OR11A1: variants seen among roughly 807,000 people sequenced by gnomAD.
The protein encoded by OR11A1 is olfactory receptor family 11 subfamily A member 1, also known as olfactory receptor 11A1.
For synonymous variants in OR11A1, 158 were observed against 152.2 expected (o/e 1.04, Z -0.28); for missense variants, 380 against 378.2 (o/e 1.00, Z -0.04).
intron 1 of OR11A1, among the ~76,000 whole-genome samples, chr6:29,452,349 A>T (rs1785511205): frequency 6.6e-6 from 1 of 152,186 alleles, no homozygotes; most frequent in South Asian, 2.1e-4. Context: ...GGGGAAAAAA[A>T]GGAGAAGAGA....
chr6:29,451,814 A>G (rs150894572), intron 1 of OR11A1, among the ~76,000 whole-genome samples: 4 of 152,366 alleles, frequency 2.6e-5, no homozygotes, highest in Admixed American at 2.0e-4. Context: ...CTGAACTGCC[A>G]TTTGACCCAG....
chr6:29,440,096 C>A lies in OR11A1; in HGVS notation c.-388-8109G>T, dbSNP rs146723934. On this transcript the variant is annotated intron_variant, in intron 1 of 4. Transcript: ENST00000377149. Reference sequence around the variant, plus strand: ...TGGCCGACCTCCAGGGCTTGCTCTTCTCTGTCTTTCTCACTATCTACCTGC... The same window carrying A: ...TGGCCGACCTCCAGGGCTTGCTCTTATCTGTCTTTCTCACTATCTACCTGC... The A allele has an allele frequency of 3.2e-5, 51 of 1,613,330 alleles. No homozygotes were observed. In the African/African-American group the frequency reaches 6.3e-4, roughly 20 times the overall value.
intron 1 of OR11A1, among the ~76,000 whole-genome samples, chr6:29,443,608 A>G (rs1784426884): frequency 6.6e-6 from 1 of 152,176 alleles, no homozygotes; most frequent in Non-Finnish European, 1.5e-5. Flanking sequence ...TGAAGGTTCT[A>G]TGAACATTTG....
intron 4 of OR11A1, chr6:29,428,424 A>G (rs1302628821): frequency 1.0e-6 from 1 of 985,274 alleles, no homozygotes; most frequent in Non-Finnish European, 1.2e-6. Context: ...CTTTCTGAAG[A>G]TAGAAGCAAG....
intron 1 of OR11A1, among the ~76,000 whole-genome samples, chr6:29,433,189 G>T (rs1013040072): frequency 1.3e-5 from 2 of 151,990 alleles, no homozygotes; most frequent in African/African-American, 4.8e-5. Flanking sequence ...ATGTTTTTGT[G>T]ATGAGAACAC....
intron 1 of OR11A1, among the ~76,000 whole-genome samples, chr6:29,451,557 T>C (rs1785384106): frequency 6.6e-6 from 1 of 152,110 alleles, no homozygotes; most frequent in African/African-American, 2.4e-5. Context: ...AAAGAAGACA[T>C]ACATGTAGCC....
intron 1 of OR11A1, among the ~76,000 whole-genome samples, chr6:29,446,085 A>G (rs569933135): frequency 6.6e-5 from 10 of 152,298 alleles, no homozygotes; most frequent in Non-Finnish European, 1.2e-4. Flanking sequence ...TCAAGCTTCA[A>G]AGATGCCACC....
chr6:29,440,452 C>A, intron 1 of OR11A1: 1 of 1,614,010 alleles, frequency 6.2e-7, no homozygotes. Context: ...CTAGCTGGGT[C>A]GGCGTGGGCC....
At chr6:29,436,921 G>A (rs1419433112) in intron 1 of OR11A1, among the ~76,000 whole-genome samples, 2 of 152,254 alleles carry the variant, frequency 1.3e-5, no homozygotes, top group Non-Finnish European at 2.9e-5. Context: ...AGATGGCGCT[G>A]CTCGCGAAGC....
At chr6:29,440,835 T>C in intron 1 of OR11A1, 1 of 1,613,796 alleles carries the variant, frequency 6.2e-7, no homozygotes, top group Non-Finnish European at 8.5e-7. Flanking sequence ...CCCTCTGGTG[T>C]CCCTCTTCTA....
At chr6:29,445,934 G>A (rs1379424462) in intron 1 of OR11A1, among the ~76,000 whole-genome samples, 1 of 152,034 alleles carries the variant, frequency 6.6e-6, no homozygotes, top group African/African-American at 2.4e-5. Context: ...GTACATCAGG[G>A]CCACCAAGAA....
At position 29,454,808 on chromosome 6, in the gene OR11A1, C is replaced by T. The variant is rs145123573; in HGVS notation, c.-389+2179G>A. Among the ~76,000 whole-genome samples the T allele has an allele frequency of 7.2e-3, 1,091 of 152,070 alleles. 26 individuals carry two copies. Among genetic ancestry groups the T allele is most frequent in the Middle Eastern group, 0.014 (4 of 294 alleles). ...CACCAAGATAATTCAATACAGGAAA[C>T]GATATTCTTTGCAACAAATGGTACT... is the stretch of plus-strand genomic sequence containing the variant. On this transcript the variant is annotated intron_variant, in intron 1 of 4. Transcript: ENST00000377149.
chr6:29,444,769 A>G (rs1784558760), intron 1 of OR11A1, among the ~76,000 whole-genome samples: 1 of 152,106 alleles, frequency 6.6e-6, no homozygotes, highest in African/African-American at 2.4e-5. Flanking sequence ...CCCCATATTG[A>G]GTCTTCCCCC....
intron 1 of OR11A1, among the ~76,000 whole-genome samples, chr6:29,455,343 T>A (rs1232350206): frequency 6.6e-6 from 1 of 152,088 alleles, no homozygotes; most frequent in Non-Finnish European, 1.5e-5. Context: ...TATGGACAAA[T>A]GACTTGAACA....
chr6:29,428,903 T>C lies in OR11A1; in HGVS notation c.-92+10A>G. On this transcript the variant is annotated intron_variant, in intron 4 of 4. Transcript: ENST00000377149. ...ACACTTCTAAATATCTGAAAATGGC[T>C]CTGTCATACCTGCTGGAAGGTTTTC... 3.1e-6 allele frequency: 3 copies of C among 955,876 alleles called. No homozygotes were observed. The highest frequency in any genetic ancestry group is 3.7e-6 in the Non-Finnish European group (3 of 803,708). 59.2% of individuals were successfully genotyped at this position (955,876 alleles called of 1,614,324 possible).
At chr6:29,456,142 A>C (rs1034331048) in intron 1 of OR11A1, among the ~76,000 whole-genome samples, 1 of 151,796 alleles carries the variant, frequency 6.6e-6, no homozygotes, top group African/African-American at 2.4e-5. Flanking sequence ...AGGCAGGAGA[A>C]TCACTTGAAC....
In OR11A1 at chr6:29,426,972, C is replaced by G; in HGVS notation, c.670G>C (p.Val224Leu). ...CCAGCAGGAACTCTCAGCACTGCCA[C>G]CACAATTCTGGCATAAGATGTCAGA... ...LILTSYARIVVAVLRVPAGAS... is the reference protein window; with the variant it reads ...LILTSYARIVLAVLRVPAGAS... The change falls in exon 5 of 5, where the codon GTG (valine) becomes CTG (leucine). Residue 224 changes from valine to leucine, a missense_variant. Val to Leu is a conservative substitution (Grantham distance 32). Coordinates refer to ENST00000377149, the MANE Select transcript of OR11A1 (RefSeq NM_001394828.1). 1 of 1,613,024 alleles carries G rather than the reference C, an allele frequency of 6.2e-7. No homozygotes were observed. The highest frequency in any genetic ancestry group is 8.5e-7 in the Non-Finnish European group (1 of 1,180,026).
Position 29,427,076 on chromosome 6 carries a change from G to A in OR11A1, c.566C>T (p.Ala189Val). 6.2e-7 allele frequency: 1 copy of A among 1,612,404 alleles called. No homozygotes were observed. The highest frequency in any genetic ancestry group is 8.5e-7 in the Non-Finnish European group (1 of 1,180,010). ...CTGAGCCACTCTGGGATCCGAGCAA[G>A]CCAGGCCCACGAAAAGCATAAAGTC... ...YCDFMLFVGL[A>V]CSDPRVAQVT... The change falls in exon 5 of 5, where the codon GCT becomes GTT. Residue 189 changes from alanine (A) to valine (V), a missense_variant. Ala to Val is a moderately conservative substitution (Grantham distance 64, BLOSUM62 0). Transcript: ENST00000377149.
Position 29,445,656 on chromosome 6 carries a change from G to A in OR11A1, c.-389+11331C>T, listed in dbSNP as rs148244686. ...TTCTGCTCCCCACTGAGCTCTCTGG[G>A]ATTCACAAATCAGTGCCCTAGGGAG... On this transcript the variant is annotated intron_variant, in intron 1 of 4. Transcript: ENST00000377149. Among the ~76,000 whole-genome samples, 1,217 of 152,260 alleles carry A rather than the reference G, an allele frequency of 8.0e-3. 13 individuals carry two copies. The highest frequency in any genetic ancestry group is 0.025 in the East Asian group (131 of 5,160).
Sources: allele counts gnomAD v4.1 joint callset (sites outside exome capture counted in the v4.1 genomes callset), GRCh38; gene constraint gnomAD v4.1.1; transcripts MANE v1.5; gene names NCBI Gene and HGNC (gene_info 2026-07-23, HGNC 2026-07-21).